The following TOGARAM2 variants were observed in gnomAD, a reference collection of about 807,000 sequenced individuals.
TOGARAM2 encodes the protein TOG array regulator of axonemal microtubules 2, also known as TOG array regulator of axonemal microtubules protein 2.
Under a neutral mutation model 93.3 loss-of-function variants are expected in TOGARAM2, and 85 were observed. That is an observed-to-expected ratio of 0.91 (90% CI 0.76 to 1.09). TOGARAM2 has a LOEUF of 1.09. Ranked by LOEUF, TOGARAM2 falls within the 50% of genes least tolerant of loss-of-function variation. The pLI is 0.00. For missense variants in TOGARAM2, 1,277 were observed against 1,334.5 expected (o/e 0.96, Z 0.67); for synonymous variants, 593 against 552.8 (o/e 1.07, Z -1.02).
At chr2:28,968,208 G>A (rs1398743934) in intron 1 of TOGARAM2, among the ~76,000 whole-genome samples, 1 of 152,168 alleles carries the variant, frequency 6.6e-6, no homozygotes, top group Non-Finnish European at 1.5e-5. Context: ...AGCTTAAATA[G>A]AGTCAATAGA....
In TOGARAM2 at chr2:28,999,457, C is replaced by T. The variant is rs756410737; in HGVS notation, c.416C>T (p.Ala139Val). 1.2e-5 allele frequency: 20 copies of T among 1,605,734 alleles called. No individual in the cohort carries two copies. Among genetic ancestry groups the T allele is most frequent in the Admixed American group, 3.4e-5 (2 of 59,270 alleles). The change falls in exon 4 of 20, where the codon GCG (alanine) becomes GTG (valine). Residue 139 changes from alanine to valine, a missense_variant. Transcript: ENST00000379558. ...KKRRLSEGLA[A>V]SSRASLDPGG... The stretch of plus-strand genomic sequence containing the variant: ...AGGAGGCTCTCAGAGGGCTTGGCAG[C>T]GTCTTCCCGAGGTGAGCACTGGCCC...
chr2:29,016,334 A>T (rs1204429201), intron 8 of TOGARAM2, among the ~76,000 whole-genome samples: 1 of 152,018 alleles, frequency 6.6e-6, no homozygotes, highest in Non-Finnish European at 1.5e-5. Context: ...TGCCTCCTAA[A>T]CACTCTTCCT....
chr2:28,979,501 G>A (rs1572621850), upstream of TOGARAM2, among the ~76,000 whole-genome samples: 1 of 152,320 alleles, frequency 6.6e-6, no homozygotes, highest in Non-Finnish European at 1.5e-5. Context: ...TAAGGGCTGT[G>A]CTGTGTTATC....
At chr2:29,043,595 C>A (rs1443155742) in intron 18 of TOGARAM2, among the ~76,000 whole-genome samples, 1 of 152,270 alleles carries the variant, frequency 6.6e-6, no homozygotes, top group Admixed American at 6.5e-5. Context: ...GGCCACCTGC[C>A]CTCACCTACC....
intron 8 of TOGARAM2, among the ~76,000 whole-genome samples, chr2:29,014,829 A>G (rs752697389): frequency 1.9e-4 from 29 of 151,870 alleles, no homozygotes; most frequent in Admixed American, 6.6e-4. Context: ...AAGGGGTAGG[A>G]GGGAGGAAGG....
intron 1 of TOGARAM2, among the ~76,000 whole-genome samples, chr2:28,983,899 G>C (rs1320192155): frequency 6.6e-6 from 1 of 151,962 alleles, no homozygotes; most frequent in Non-Finnish European, 1.5e-5. Flanking sequence ...TGATTACCAG[G>C]GGGTTGAGCA....
At chr2:28,975,848 G>T (rs1479218571) in intron 1 of TOGARAM2, among the ~76,000 whole-genome samples, 5 of 152,102 alleles carry the variant, frequency 3.3e-5, no homozygotes, top group African/African-American at 1.2e-4. Flanking sequence ...CTCAGCAAAA[G>T]CAGGATATTG....
Position 29,045,327 on chromosome 2 carries a change from A to T in TOGARAM2, c.2639A>T (p.Asn880Ile). Reference sequence around the variant, plus strand: ...TGACATCCCCCTTCTCTTTCAGACAACCTTTGCCTTCTACCAGCGCTTGCT... The same window carrying T: ...TGACATCCCCCTTCTCTTTCAGACATCCTTTGCCTTCTACCAGCGCTTGCT... ...VLDAMVESLDNLCLLPALAGR... is the reference protein window; with the variant it reads ...VLDAMVESLDILCLLPALAGR... The change falls in exon 19 of 20, where the codon AAC (asparagine) becomes ATC (isoleucine). Residue 880 changes from asparagine to isoleucine, a missense_variant. Physicochemically the swap from Asn to Ile is moderately radical, Grantham distance 149. Transcript: ENST00000379558. 6.2e-7 allele frequency: 1 copy of T among 1,612,650 alleles called. No individual in the cohort carries two copies. Among genetic ancestry groups the T allele is most frequent in the Non-Finnish European group, 8.5e-7 (1 of 1,179,642 alleles).
chr2:29,039,015 G>C (rs1265849113), intron 18 of TOGARAM2, among the ~76,000 whole-genome samples: 1 of 152,206 alleles, frequency 6.6e-6, no homozygotes, highest in Non-Finnish European at 1.5e-5. Flanking sequence ...GTCATGGTCT[G>C]AGCCTGGCCT....
intron 7 of TOGARAM2, among the ~76,000 whole-genome samples, chr2:29,013,664 G>T (rs1572705682): frequency 6.6e-6 from 1 of 152,270 alleles, no homozygotes; most frequent in African/African-American, 2.4e-5. Context: ...CAGAAGACCC[G>T]GCAAGCAAGG....
At chr2:28,959,367 C>T (rs1451654926) in intron 1 of TOGARAM2, among the ~76,000 whole-genome samples, 6 of 152,172 alleles carry the variant, frequency 3.9e-5, no homozygotes, top group African/African-American at 1.2e-4. Context: ...CAGGAGTTTA[C>T]ATATGTCAAT....
rs189860233 is a variant in TOGARAM2, at chr2:28,963,961, C to T, written c.-147+7264C>T. Among the ~76,000 whole-genome samples the T allele has an allele frequency of 1.7e-4, 26 of 152,210 alleles. No homozygotes were observed. The East Asian group carries it at 5.0e-3, about 29-fold the overall frequency. On this transcript the variant is annotated intron_variant, in intron 1 of 6. Coordinates refer to the TOGARAM2 transcript ENST00000401723. ...GGTGGAGGTTGCAGTAAGCCAAGAT[C>T]GCGCCATTGCACTCCAGCCTGGGTG...
intron 1 of TOGARAM2, among the ~76,000 whole-genome samples, chr2:28,960,963 A>G (rs1320450560): frequency 6.6e-6 from 1 of 152,262 alleles, no homozygotes; most frequent in Non-Finnish European, 1.5e-5. Context: ...GATGCTGTAT[A>G]CTTCATACCG....
intron 1 of TOGARAM2, among the ~76,000 whole-genome samples, chr2:28,973,394 C>CCCTTCCTCCCCTTCCCCTT (rs1671977731): frequency 1.4e-5 from 1 of 69,564 alleles, no homozygotes; most frequent in African/African-American, 5.1e-5. Flanking sequence ...CTTCTTTCCT[C>CCCTTCCTCCCCTTCCCCTT]CCTTCCTTCC....
intron 13 of TOGARAM2, among the ~76,000 whole-genome samples, chr2:29,026,206 C>G (rs1665347826): frequency 6.6e-6 from 1 of 152,238 alleles, no homozygotes; most frequent in African/African-American, 2.4e-5. Flanking sequence ...CTGCCTCACC[C>G]CAGTACTGTT....
At chr2:29,001,544 A>G (rs1257576040) in intron 4 of TOGARAM2, among the ~76,000 whole-genome samples, 1 of 149,354 alleles carries the variant, frequency 6.7e-6, no homozygotes, top group Non-Finnish European at 1.5e-5. Flanking sequence ...TCTGTTGCCC[A>G]GTCTAGAGTG....
chr2:29,001,730 T>C (rs553866072), intron 4 of TOGARAM2, among the ~76,000 whole-genome samples: 1 of 152,214 alleles, frequency 6.6e-6, no homozygotes, highest in African/African-American at 2.4e-5. Flanking sequence ...TGACCTCCAG[T>C]GATCCTCCCG....
At chr2:29,026,621 C>T (rs963925353) in intron 13 of TOGARAM2, among the ~76,000 whole-genome samples, 13 of 152,316 alleles carry the variant, frequency 8.5e-5, no homozygotes, top group South Asian at 8.3e-4. Flanking sequence ...TGGGGAACCT[C>T]GTGTAGCTTC....
chr2:29,006,110 A>G (rs1663787697), intron 6 of TOGARAM2, among the ~76,000 whole-genome samples: 1 of 47,216 alleles, frequency 2.1e-5, no homozygotes. Context: ...ATGTGTGTGG[A>G]GTGCATATGT....
Sources: allele counts gnomAD v4.1 joint callset (sites outside exome capture counted in the v4.1 genomes callset), GRCh38; gene constraint gnomAD v4.1.1; transcripts MANE v1.5; gene names NCBI Gene and HGNC (gene_info 2026-07-23, HGNC 2026-07-21).